Variants in TOMM70 observed in about 807,000 individuals in gnomAD.
TOMM70 encodes the protein mitochondrial import receptor subunit TOM70.
TOMM70 carries 13 observed loss-of-function variants against 73.6 expected under a neutral mutation model. That is an observed-to-expected ratio of 0.18 (90% CI 0.11 to 0.28). TOMM70 has a LOEUF of 0.28. TOMM70 is among the 10% of genes least tolerant of loss of function. The probability of loss-of-function intolerance (pLI) is 1.00; values close to 1 mark genes in which losing one functional copy is unlikely to be tolerated. For missense variants in TOMM70, 609 were observed against 747.5 expected, an observed-to-expected ratio of 0.81 and a Z score of 2.16; for synonymous variants, 257 against 271.2, an observed-to-expected ratio of 0.95 and a Z score of 0.51.
rs754306105 is a variant in TOMM70, at chr3:100,386,223, A to G, written c.620T>C (p.Leu207Ser). The change falls in exon 3 of 12, where the codon TTA becomes TCA. Residue 207 changes from leucine to serine, a missense_variant. By Grantham distance (145) the Leu-to-Ser change is moderately radical. This residue lies in a region of TOMM70 where 432 missense variants were observed against 584.1 expected (regional missense o/e 0.74). Transcript: ENST00000284320. ...HEKLDNKKEC[L>S]EDVTAVCILE... Reference sequence around the variant, plus strand: ...AAACACAAAATTACCCTCACCTTCTAAACATTCCTTCTTATTGTCTAGCTT... The same window carrying G: ...AAACACAAAATTACCCTCACCTTCTGAACATTCCTTCTTATTGTCTAGCTT... The G allele has an allele frequency of 1.9e-6, 3 of 1,608,698 alleles. No homozygotes were observed. Among genetic ancestry groups the G allele is most frequent in the Non-Finnish European group, 1.7e-6 (2 of 1,177,754 alleles).
Position 100,371,368 on chromosome 3 carries a change from G to A in TOMM70, c.1452+1238C>T, listed in dbSNP as rs143987087. Among the ~76,000 whole-genome samples, 403 of 148,598 alleles carry A rather than the reference G, an allele frequency of 2.7e-3. 4 individuals are homozygous for A. Among genetic ancestry groups the A allele is most frequent in the African/African-American group, 9.5e-3 (382 of 40,114 alleles). ...CAACCTCCGCCTCCTGGGTTCAAGCGATTCTCCTACCTCAGCCTCCCGAGT... is the reference window on the plus strand; with the variant it reads ...CAACCTCCGCCTCCTGGGTTCAAGCAATTCTCCTACCTCAGCCTCCCGAGT... On this transcript the variant is annotated intron_variant, in intron 9 of 11. Coordinates refer to ENST00000284320, the MANE Select transcript of TOMM70 (RefSeq NM_014820.5).
Position 100,400,888 on chromosome 3 carries a change from C to T in TOMM70, c.62G>A (p.Ser21Asn). 8 of 1,530,366 alleles carry T rather than the reference C, an allele frequency of 5.2e-6. No individual in the cohort carries two copies. The highest frequency in any genetic ancestry group is 6.1e-6 in the Non-Finnish European group (7 of 1,145,410). 94.8% of individuals were successfully genotyped at this position (1,530,366 alleles called of 1,614,324 possible). A position where few individuals can be genotyped will look rare whatever the true frequency, so the allele number is the denominator to read the frequency against. The change falls in exon 1 of 12, where the codon AGT becomes AAT. Residue 21 changes from serine (S) to asparagine (N), a missense_variant. Physicochemically the swap from Ser to Asn is conservative, Grantham distance 46. This residue lies in a region of TOMM70 where 177 missense variants were observed against 163.5 expected (regional missense o/e 1.08). Transcript: ENST00000284320. The stretch of plus-strand genomic sequence containing the variant: ...CGCAGTCCCGCCGCCGCCCACCCCA[C>T]TCCCGGAGCTCGGTACAGCGGCTGC... ...VVAAAVPSSGSGVGGGGTAGP... is the reference protein window; with the variant it reads ...VVAAAVPSSGNGVGGGGTAGP...
intron 1 of TOMM70, among the ~76,000 whole-genome samples, chr3:100,393,274 A>G (rs1254461131): frequency 6.6e-6 from 1 of 152,210 alleles, no homozygotes; most frequent in Non-Finnish European, 1.5e-5. Context: ...TTAAAAAACA[A>G]ACATGAAATA....
rs1358576682 is a variant in TOMM70, at chr3:100,377,669, A to G, written c.1092+36T>C. On this transcript the variant is annotated intron_variant, in intron 6 of 11. Transcript: ENST00000284320. ...AACATAATGAAAGGCATCGCCTTCT[A>G]TTTAATAATTTCTTCACACACATTT... The G allele has an allele frequency of 1.9e-6, 3 of 1,581,856 alleles. No individual in the cohort carries two copies. The African/African-American group carries it at 4.1e-5, about 21-fold the overall frequency.
chr3:100,375,431 C>G (rs577018049), intron 6 of TOMM70, among the ~76,000 whole-genome samples: 2 of 152,246 alleles, frequency 1.3e-5, no homozygotes, highest in South Asian at 2.1e-4. Context: ...AAACACCAAC[C>G]TATTTTCTAT....
At position 100,377,991 on chromosome 3, in the gene TOMM70, A is replaced by C. The variant is rs1408499565; in HGVS notation, c.885-79T>G. 75 of 1,304,338 alleles carry C rather than the reference A, an allele frequency of 5.8e-5. No homozygotes were observed. The South Asian group carries it at 7.9e-4, about 14-fold the overall frequency. The allele number at this position is 1,304,338 out of a possible 1,614,324, so 80.8% of individuals were successfully genotyped here. A position where few individuals can be genotyped will look rare whatever the true frequency, so the allele number is the denominator to read the frequency against. On this transcript the variant is annotated intron_variant, in intron 5 of 11. Coordinates refer to ENST00000284320, the MANE Select transcript of TOMM70 (RefSeq NM_014820.5). ...GCTGGGTGTGGTGGCTCACGCCTGT[A>C]ATCCCAGCACTTTGGGAGGCCGAGG... is the stretch of plus-strand genomic sequence containing the variant.
In TOMM70 at chr3:100,381,773, A is replaced by C; in HGVS notation, c.736-10T>G. On this transcript the variant is annotated splice_polypyrimidine_tract_variant and intron_variant, in intron 4 of 11. Coordinates refer to ENST00000284320, the MANE Select transcript of TOMM70 (RefSeq NM_014820.5). ...TCAGAGGTTCACGATTCTGAAATTT[A>C]GTCATGTTTAAAGACATCAGGATGG... The C allele has an allele frequency of 1.3e-6, 2 of 1,595,126 alleles. No individual in the cohort carries two copies. The highest frequency in any genetic ancestry group is 1.7e-6 in the Non-Finnish European group (2 of 1,169,030).
At chr3:100,383,877 T>C (rs1706663701) in intron 4 of TOMM70, among the ~76,000 whole-genome samples, 1 of 152,162 alleles carries the variant, frequency 6.6e-6, no homozygotes, top group Admixed American at 6.6e-5. Context: ...ACAGTAACAG[T>C]CAGTCTCTCT....
intron 4 of TOMM70, among the ~76,000 whole-genome samples, chr3:100,384,020 C>A (rs1282866733): frequency 2.6e-5 from 4 of 152,130 alleles, no homozygotes; most frequent in South Asian, 2.1e-4. Context: ...AAAACTAATG[C>A]CAACTTACTC....
At chr3:100,388,890 T>G (rs1162989231) in intron 1 of TOMM70, among the ~76,000 whole-genome samples, 1 of 151,834 alleles carries the variant, frequency 6.6e-6, no homozygotes. Flanking sequence ...AATTAACAAG[T>G]AGAGAATGGG....
Position 100,365,330 on chromosome 3 carries a change from C to G in TOMM70, c.*234G>C. The G allele has an allele frequency of 2.2e-6, 1 of 464,148 alleles. No homozygotes were observed. Among genetic ancestry groups the G allele is most frequent in the South Asian group, 5.2e-5 (1 of 19,084 alleles). 28.8% of individuals were successfully genotyped at this position (464,148 alleles called of 1,614,324 possible). A position where few individuals can be genotyped will look rare whatever the true frequency, so the allele number is the denominator to read the frequency against. The stretch of plus-strand genomic sequence containing the variant: ...CTCTTTGCAACTTTATTTAAAAATC[C>G]CTTTAACATGTTCTAATCTTTTGTT... On this transcript the variant is annotated 3_prime_UTR_variant, in exon 12 of 12. Transcript: ENST00000284320.
In TOMM70 at chr3:100,363,774, T is replaced by C. The variant is rs1706419266; in HGVS notation, c.*1790A>G. The C allele has an allele frequency of 6.6e-6, 1 of 152,436 alleles. No homozygotes were observed. Among genetic ancestry groups the C allele is most frequent in the African/African-American group, 2.4e-5 (1 of 41,466 alleles). 9.4% of individuals were successfully genotyped at this position (152,436 alleles called of 1,614,324 possible). ...AGAACATTTCTGTATTTGGGGGTTATCAGAAGGTGCATAATTTAAAAACAA... is the reference window on the plus strand; with the variant it reads ...AGAACATTTCTGTATTTGGGGGTTACCAGAAGGTGCATAATTTAAAAACAA... On this transcript the variant is annotated 3_prime_UTR_variant, in exon 12 of 12. Coordinates refer to ENST00000284320, the MANE Select transcript of TOMM70 (RefSeq NM_014820.5).
rs955780671 is a variant in TOMM70, at chr3:100,365,479, A to T, written c.*85T>A. 1.2e-5 allele frequency: 19 copies of T among 1,537,394 alleles called. 1 individual carries two copies. The South Asian group carries it at 2.1e-4, about 17-fold the overall frequency. On this transcript the variant is annotated 3_prime_UTR_variant, in exon 12 of 12. Transcript: ENST00000284320. ...ACAGAAATACTGATTTCCACCATTC[A>T]ACACAGTTCATGACAGTGTCTTTAG...
intron 3 of TOMM70, among the ~76,000 whole-genome samples, chr3:100,385,104 A>G (rs1404743104): frequency 6.6e-6 from 1 of 152,254 alleles, no homozygotes; most frequent in Admixed American, 6.5e-5. Flanking sequence ...TTTCGTTCAA[A>G]GCACTCAAAC....
At chr3:100,381,416 G>A (rs1280126805) in intron 5 of TOMM70, among the ~76,000 whole-genome samples, 199 bp downstream of exon 5, 1 of 152,086 alleles carries the variant, frequency 6.6e-6, no homozygotes, top group African/African-American at 2.4e-5. Flanking sequence ...TGAGTTACCA[G>A]AGAAGTAACA....
chr3:100,394,281 C>T (rs901014132), intron 1 of TOMM70, among the ~76,000 whole-genome samples: 4 of 151,788 alleles, frequency 2.6e-5, no homozygotes, highest in African/African-American at 7.3e-5. Flanking sequence ...TGAATCACAG[C>T]TTTATAGAAG....
chr3:100,397,662 G>T (rs563994892), intron 1 of TOMM70, among the ~76,000 whole-genome samples: 58 of 152,222 alleles, frequency 3.8e-4, no homozygotes, highest in African/African-American at 1.3e-3. Context: ...AGGCCAAGGC[G>T]GGTGAATCAC....
At chr3:100,378,372 G>A (rs545366567) in intron 5 of TOMM70, among the ~76,000 whole-genome samples, 58 of 152,308 alleles carry the variant, frequency 3.8e-4, no homozygotes, top group African/African-American at 1.3e-3. Context: ...TGTGGCATGG[G>A]GTTGGGGTGG....
intron 6 of TOMM70, among the ~76,000 whole-genome samples, chr3:100,376,383 T>TTTTTTTTC (rs1337823143): frequency 8.6e-5 from 13 of 150,502 alleles, no homozygotes; most frequent in African/African-American, 3.2e-4. Flanking sequence ...TTTTTTTTTT[T>TTTTTTTTC]TGAGACAGGA....
Sources: gnomAD v4.1 joint callset for allele counts (sites outside exome capture counted in the v4.1 genomes callset) on GRCh38, gnomAD v4.1.1 for gene constraint, gnomAD v4.1.1 regional missense constraint, MANE v1.5 for transcripts, NCBI Gene and HGNC (gene_info 2026-07-23, HGNC 2026-07-21) for gene names.